SGCD: variants seen among roughly 807,000 people sequenced by gnomAD.
The protein encoded by SGCD is sarcoglycan delta.
A neutral mutation model predicts 36.6 loss-of-function variants in SGCD; 18 were observed. That is an observed-to-expected ratio of 0.49 (90% CI 0.34 to 0.73). The LOEUF is 0.73. SGCD is among the 30% of genes least tolerant of loss of function. SGCD has a pLI of 0.01. For synonymous variants in SGCD, 133 were observed against 130.6 expected (o/e 1.02, Z -0.12); for missense variants, 387 against 346.7 (o/e 1.12, Z -0.92).
intron 1 of SGCD, among the ~76,000 whole-genome samples, chr5:155,918,771 T>G (rs553467376): frequency 4.8e-4 from 73 of 152,296 alleles, no homozygotes; most frequent in African/African-American, 1.7e-3. Context: ...TCTGATCCAG[T>G]TTTTCTCTCA....
chr5:155,883,291 A>C (rs569902027), intron 1 of SGCD, among the ~76,000 whole-genome samples: 5 of 152,286 alleles, frequency 3.3e-5, no homozygotes, highest in Admixed American at 2.0e-4. Flanking sequence ...TTTCTTTGAA[A>C]ACTTTTCTTT....
the SGCD span, among the ~76,000 whole-genome samples, chr5:155,777,482 G>A: frequency 3.4e-3 from 517 of 151,830 alleles, 2 homozygotes; most frequent in African/African-American, 0.012. Context: ...TCAGCCTCCA[G>A]TGTAGCTGGG....
At chr5:156,673,509 T>C (rs1016941233) in intron 7 of SGCD, among the ~76,000 whole-genome samples, 7 of 152,208 alleles carry the variant, frequency 4.6e-5, no homozygotes, top group Non-Finnish European at 1.0e-4. Context: ...CCGCTTCCTA[T>C]TCACAACGGA....
At chr5:156,231,347 C>T (rs1765009560) in intron 3 of SGCD, among the ~76,000 whole-genome samples, 1 of 152,022 alleles carries the variant, frequency 6.6e-6, no homozygotes, top group Admixed American at 6.6e-5. Flanking sequence ...GAAGCCTGGC[C>T]AACATGGTGA....
chr5:156,402,230 T>C (rs998352639), intron 3 of SGCD, among the ~76,000 whole-genome samples: 2 of 152,242 alleles, frequency 1.3e-5, no homozygotes, highest in African/African-American at 4.8e-5. Context: ...TGAACATTCA[T>C]GCACAAATAT....
chr5:156,599,363 C>T (rs1392873160), intron 6 of SGCD, among the ~76,000 whole-genome samples: 2 of 149,480 alleles, frequency 1.3e-5, no homozygotes, highest in Admixed American at 6.6e-5. Context: ...GCTTTAGTTT[C>T]CATTTGTATA....
At position 156,619,274 on chromosome 5, in the gene SGCD, C is replaced by T. The variant is rs145533143; in HGVS notation, c.502+24223C>T. Among the ~76,000 whole-genome samples, 1,074 of 152,296 alleles carry T rather than the reference C, an allele frequency of 7.1e-3. 10 individuals are homozygous for T. Among genetic ancestry groups the T allele is most frequent in the Non-Finnish European group, 0.012 (815 of 68,034 alleles). ...TCTCCTGACCTCATGATCTGCCCACCTCGGCCTCCCAAAGTGCTGGGATTA... is the reference window on the plus strand; with the variant it reads ...TCTCCTGACCTCATGATCTGCCCACTTCGGCCTCCCAAAGTGCTGGGATTA... On this transcript the variant is annotated intron_variant, in intron 6 of 8. Coordinates refer to ENST00000337851, the MANE Select transcript of SGCD (RefSeq NM_000337.6).
At chr5:156,487,086 T>C (rs538244427) in intron 3 of SGCD, among the ~76,000 whole-genome samples, 11 of 152,138 alleles carry the variant, frequency 7.2e-5, no homozygotes, top group Non-Finnish European at 1.6e-4. Flanking sequence ...TGGTATATGC[T>C]GCCAGGAACC....
intron 1 of SGCD, among the ~76,000 whole-genome samples, chr5:155,980,434 C>T (rs747903412): frequency 6.6e-6 from 1 of 150,884 alleles, no homozygotes; most frequent in Non-Finnish European, 1.5e-5. Context: ...AAATACAAAA[C>T]AAATGTAGCC....
chr5:156,315,356 G>T (rs1338745495), intron 3 of SGCD, among the ~76,000 whole-genome samples: 1 of 151,360 alleles, frequency 6.6e-6, no homozygotes, highest in African/African-American at 2.4e-5. Flanking sequence ...ATATCCTTCA[G>T]ATTTATCCAG....
intron 1 of SGCD, among the ~76,000 whole-genome samples, chr5:156,045,866 G>C (rs969056273): frequency 1.3e-5 from 2 of 152,120 alleles, no homozygotes; most frequent in African/African-American, 4.8e-5. Flanking sequence ...GCCACAGTGG[G>C]AGTTAGGGCA....
chr5:156,555,242 C>G (rs1320808556), intron 4 of SGCD, among the ~76,000 whole-genome samples: 1 of 152,088 alleles, frequency 6.6e-6, no homozygotes, highest in Non-Finnish European at 1.5e-5. Context: ...AATTTATCTA[C>G]TTTTTCTTTG....
intron 3 of SGCD, among the ~76,000 whole-genome samples, chr5:156,363,630 C>A (rs555809747): frequency 6.6e-6 from 1 of 152,226 alleles, no homozygotes; most frequent in East Asian, 1.9e-4. Flanking sequence ...TAAACTGAGC[C>A]AGATTCTCTT....
intron 1 of SGCD, among the ~76,000 whole-genome samples, chr5:156,036,898 CT>C (rs1759513103): frequency 6.6e-6 from 1 of 152,084 alleles, no homozygotes; most frequent in Admixed American, 6.6e-5. Flanking sequence ...AAGCTTTTTC[CT>C]GCCAAGCTCT....
intron 4 of SGCD, among the ~76,000 whole-genome samples, chr5:156,580,948 T>C (rs538770906): frequency 6.6e-6 from 1 of 152,328 alleles, no homozygotes; most frequent in South Asian, 2.1e-4. Flanking sequence ...CCGTTGCTGG[T>C]GAGGAGCTGC....
the SGCD span, among the ~76,000 whole-genome samples, chr5:155,807,805 G>C: frequency 0.017 from 2,648 of 152,240 alleles, 85 homozygotes; most frequent in African/African-American, 0.059. Flanking sequence ...TTTGGAATAC[G>C]ACATAACACT....
At chr5:156,236,765 T>C (rs1409294691) in intron 3 of SGCD, among the ~76,000 whole-genome samples, 1 of 150,824 alleles carries the variant, frequency 6.6e-6, no homozygotes, top group African/African-American at 2.4e-5. Flanking sequence ...TATACATTTG[T>C]TCTTAATGCT....
rs377208609 is a variant in SGCD at position 156,198,095 on chromosome 5, C to T, written c.-44+74076C>T. Among the ~76,000 whole-genome samples, 112 of 152,172 alleles carry T rather than the reference C, an allele frequency of 7.4e-4. 1 individual carries two copies. Among genetic ancestry groups the T allele is most frequent in the African/African-American group, 2.6e-3 (109 of 41,530 alleles). Reference sequence around the variant, plus strand: ...AACTTTAAAATTCAGTTAGATATTTCTAATGTTGAGCCATCTATCTGTTCT... The same window carrying T: ...AACTTTAAAATTCAGTTAGATATTTTTAATGTTGAGCCATCTATCTGTTCT... On this transcript the variant is annotated intron_variant, in intron 3 of 9. Coordinates refer to the SGCD transcript ENST00000517913.
chr5:156,238,910 C>T (rs1042215381), intron 3 of SGCD, among the ~76,000 whole-genome samples: 1 of 152,138 alleles, frequency 6.6e-6, no homozygotes, highest in Admixed American at 6.5e-5. Flanking sequence ...ACAGTGCTCT[C>T]CTGGAGTATC....
Sources: allele counts gnomAD v4.1 joint callset (sites outside exome capture counted in the v4.1 genomes callset), GRCh38; gene constraint gnomAD v4.1.1; transcripts MANE v1.5; gene names NCBI Gene and HGNC (gene_info 2026-07-23, HGNC 2026-07-21).